The following PRKN variants were observed in gnomAD, a reference collection of about 807,000 sequenced individuals.
PRKN encodes the protein parkin RBR E3 ubiquitin protein ligase.
In PRKN, 56 loss-of-function variants were observed where a neutral mutation model predicts 59.5. That is an observed-to-expected ratio of 0.94 (90% CI 0.76 to 1.18). The LOEUF is 1.18. Ranked by LOEUF, PRKN falls within the 50% of genes most tolerant of loss-of-function variation. The pLI, the probability that PRKN is intolerant of heterozygous loss-of-function variation, is 0.00. For synonymous variants in PRKN, 250 were observed against 222.1 expected (o/e 1.13, Z -1.12); for missense variants, 657 against 596.4 (o/e 1.10, Z -1.06).
At chr6:162,107,337 C>T (rs950755938) in intron 4 of PRKN, among the ~76,000 whole-genome samples, 8 of 152,044 alleles carry the variant, frequency 5.3e-5, no homozygotes, top group Admixed American at 1.3e-4. Context: ...TGGCGGCAGG[C>T]GCCTGTAATC....
At position 161,544,782 on chromosome 6, in the gene PRKN, A is replaced by G. The variant is rs940274144; in HGVS notation, c.1083+4072T>C. Among the ~76,000 whole-genome samples the G allele has an allele frequency of 6.6e-6, 1 of 152,198 alleles. No homozygotes were observed. The highest frequency in any genetic ancestry group is 2.4e-5 in the African/African-American group (1 of 41,456). On this transcript the variant is annotated intron_variant, in intron 9 of 11. Transcript: ENST00000366898. This position sits in a 1 kb window ranked among gnomAD's most constrained non-coding sequence, Gnocchi z 5.5. ...ATGGAAATCCCTGTCTTCATTTATT[A>G]GTTAAGGTACATTGCTCCTCGGGGA...
chr6:162,190,406 G>GT (rs1784225534), intron 4 of PRKN, among the ~76,000 whole-genome samples: 1 of 152,182 alleles, frequency 6.6e-6, no homozygotes, highest in Non-Finnish European at 1.5e-5. Flanking sequence ...AGCCTGCAGA[G>GT]TAAGTGTCAA....
intron 1 of PRKN, among the ~76,000 whole-genome samples, chr6:162,623,425 A>G (rs1326038746): frequency 6.6e-6 from 1 of 152,206 alleles, no homozygotes; most frequent in Non-Finnish European, 1.5e-5. Context: ...AGTTCGTTTG[A>G]GCTTTCTGAC....
chr6:161,673,373 G>A (rs1784977917), intron 7 of PRKN, among the ~76,000 whole-genome samples: 1 of 152,186 alleles, frequency 6.6e-6, no homozygotes, highest in Non-Finnish European at 1.5e-5. Flanking sequence ...TCAGGTGTGA[G>A]CCTTCTGGAA....
Position 161,475,938 on chromosome 6 carries a change from G to A in PRKN, c.1083+72916C>T, listed in dbSNP as rs1049322884. ...GCGGTGGCTCACGCCTGTAATCCCA[G>A]CATTTTGGGAGGCCAAGGTGGGCGG... On this transcript the variant is annotated intron_variant, in intron 9 of 11. Transcript: ENST00000366898. This position sits in a 1 kb window ranked among gnomAD's most constrained non-coding sequence, Gnocchi z 5.3. 5.3e-5 allele frequency among the ~76,000 whole-genome samples: 8 copies of A among 152,092 alleles called. No homozygotes were observed. Among genetic ancestry groups the A allele is most frequent in the African/African-American group, 1.9e-4 (8 of 41,480 alleles).
At chr6:162,192,905 C>T in intron 4 of PRKN, among the ~76,000 whole-genome samples, 1 of 152,150 alleles carries the variant, frequency 6.6e-6, no homozygotes, top group East Asian at 1.9e-4. Flanking sequence ...ATGTTCCCAT[C>T]TCTCCAGGGT....
intron 6 of PRKN, among the ~76,000 whole-genome samples, chr6:161,816,812 T>C (rs1791803344): frequency 6.6e-6 from 1 of 152,142 alleles, no homozygotes; most frequent in African/African-American, 2.4e-5. Flanking sequence ...ATTGTCACTA[T>C]GCTGCATTTG....
chr6:161,439,012 G>A (rs1446556573), intron 9 of PRKN, among the ~76,000 whole-genome samples: 4 of 152,188 alleles, frequency 2.6e-5, no homozygotes, highest in African/African-American at 9.7e-5. Context: ...CAAGCTGATT[G>A]CTACAGACTC....
chr6:162,672,974 A>T (rs1044484106), intron 1 of PRKN, among the ~76,000 whole-genome samples: 1 of 152,238 alleles, frequency 6.6e-6, no homozygotes, highest in Non-Finnish European at 1.5e-5. Context: ...GTCTAGCAAC[A>T]GGAATGTTCA....
intron 2 of PRKN, among the ~76,000 whole-genome samples, chr6:162,345,831 T>C (rs1019068469): frequency 6.6e-6 from 1 of 151,436 alleles, no homozygotes; most frequent in African/African-American, 2.5e-5. Flanking sequence ...ACTTGCTATG[T>C]TTTGAATGTG....
rs1780409615 is a variant in PRKN, at chr6:161,560,278, G to A, written c.933+9077C>T. On this transcript the variant is annotated intron_variant, in intron 8 of 11. Coordinates refer to ENST00000366898, the MANE Select transcript of PRKN (RefSeq NM_004562.3). The surrounding 1 kb of genome is among the most constrained non-coding windows in gnomAD (Gnocchi z 4.9). ...TAACTGAAACTGATCCATCTCCCTT[G>A]CAACCTTTTCAAGTGAAGGCTGCTT... Among the ~76,000 whole-genome samples the A allele has an allele frequency of 6.6e-6, 1 of 152,086 alleles. No individual in the cohort carries two copies. Among genetic ancestry groups the A allele is most frequent in the African/African-American group, 2.4e-5 (1 of 41,396 alleles).
chr6:162,301,745 C>T (rs1195649390), intron 2 of PRKN, among the ~76,000 whole-genome samples: 7 of 132,820 alleles, frequency 5.3e-5, no homozygotes, highest in African/African-American at 2.0e-4. Context: ...TACAGCCTCA[C>T]TGGGGAGGTT....
intron 1 of PRKN, among the ~76,000 whole-genome samples, chr6:162,588,754 T>C (rs1489597093): frequency 1.3e-5 from 2 of 152,040 alleles, no homozygotes; most frequent in Non-Finnish European, 2.9e-5. Flanking sequence ...GGTTTCACCG[T>C]GTTAGCCAGG....
intron 1 of PRKN, among the ~76,000 whole-genome samples, chr6:162,459,000 T>C (rs966000733): frequency 1.3e-5 from 2 of 152,062 alleles, no homozygotes; most frequent in African/African-American, 4.8e-5. Context: ...TTTGTTTTTT[T>C]AGTACAGACG....
chr6:162,140,413 C>T (rs1283978743), intron 4 of PRKN, among the ~76,000 whole-genome samples: 1 of 152,146 alleles, frequency 6.6e-6, no homozygotes, highest in African/African-American at 2.4e-5. Context: ...TGTTTGGCTG[C>T]AGAGGTATGC....
intron 6 of PRKN, among the ~76,000 whole-genome samples, chr6:161,823,097 G>A (rs946935597): frequency 1.5e-4 from 22 of 146,232 alleles, no homozygotes; most frequent in East Asian, 8.0e-4. Context: ...ACTATGCCAG[G>A]CTAATTTTTT....
At chr6:161,945,348 T>C (rs187205621) in intron 6 of PRKN, among the ~76,000 whole-genome samples, 45 of 152,338 alleles carry the variant, frequency 3.0e-4, no homozygotes, top group African/African-American at 1.1e-3. Context: ...AGATGCTTCC[T>C]AGATTTAATG....
intron 7 of PRKN, among the ~76,000 whole-genome samples, chr6:161,768,694 C>T (rs1420395848): frequency 1.3e-5 from 2 of 152,122 alleles, no homozygotes; most frequent in Non-Finnish European, 2.9e-5. Context: ...ATTAGAATAC[C>T]GTGACCCCAA....
rs539491184 is a variant in PRKN at position 162,120,775 on chromosome 6, A to T, written c.535-66601T>A. Reference sequence around the variant, plus strand: ...TAAAATATGACCTTCCTACCAGAGGATGTTAATATTGCTGGGGGAAGGGCA... The same window carrying T: ...TAAAATATGACCTTCCTACCAGAGGTTGTTAATATTGCTGGGGGAAGGGCA... On this transcript the variant is annotated intron_variant, in intron 4 of 11. Transcript: ENST00000366898. 3.3e-5 allele frequency among the ~76,000 whole-genome samples: 5 copies of T among 152,190 alleles called. No homozygotes were observed. The South Asian group carries it at 8.3e-4, about 25-fold the overall frequency.
Sources: allele counts gnomAD v4.1 joint callset (sites outside exome capture counted in the v4.1 genomes callset), GRCh38; gene constraint gnomAD v4.1.1; non-coding constraint Gnocchi (gnomAD v3.1); transcripts MANE v1.5; gene names NCBI Gene and HGNC (gene_info 2026-07-23, HGNC 2026-07-21).